The following RBM15 variants were observed in gnomAD, a reference collection of about 807,000 sequenced individuals.
The protein encoded by RBM15 is RNA binding motif protein 15, also known as RNA-binding protein 15.
In RBM15, 8 loss-of-function variants were observed where a neutral mutation model predicts 62.6. The ratio of observed to expected loss-of-function variants is 0.13; its 90% CI spans 0.07 to 0.23. The LOEUF is 0.23. Among genes scored for constraint, RBM15 ranks in the 10% least tolerant of loss-of-function variants. The pLI, the probability that RBM15 is intolerant of heterozygous loss-of-function variation, is 1.00. For synonymous variants in RBM15, 606 were observed against 505.7 expected (o/e 1.20, Z -2.66); for missense variants, 1,144 against 1,286.5 (o/e 0.89, Z 1.69).
Position 110,341,257 on chromosome 1 carries a change from CGGGATGGTT to C in RBM15, c.1855_1863del (p.Asp619_Trp621del). The C allele has an allele frequency of 1.9e-6, 3 of 1,614,098 alleles. No individual in the cohort carries two copies. Among genetic ancestry groups the C allele is most frequent in the Non-Finnish European group, 2.5e-6 (3 of 1,180,026 alleles). On this transcript the variant is annotated inframe_deletion, in exon 1 of 3. Coordinates refer to ENST00000369784, the MANE Select transcript of RBM15 (RefSeq NM_022768.5). The surrounding 1 kb of genome is among the most constrained non-coding windows in gnomAD (Gnocchi z 4.5). Reference sequence around the variant, plus strand: ...GCCACTGGATAGCCTAGATCGCAGGCGGGATGGTTGGTCCTTGGACCGGGACAGAGGTGA... The same window carrying C: ...GCCACTGGATAGCCTAGATCGCAGGCGGTCCTTGGACCGGGACAGAGGTGA...
In RBM15 at chr1:110,341,448, G is replaced by A. The variant is rs547642780; in HGVS notation, c.2043G>A (p.Arg681=). The change falls in exon 1 of 3, where the codon CGG becomes CGA. Residue 681 remains arginine, a synonymous_variant. Coordinates refer to ENST00000369784, the MANE Select transcript of RBM15 (RefSeq NM_022768.5). This position sits in a 1 kb window ranked among gnomAD's most constrained non-coding sequence, Gnocchi z 4.5. The stretch of plus-strand genomic sequence containing the variant: ...GCAGTCCAGAATTGAGCAGTAGCCG[G>A]GATCGTTACAACAGCGACAATGATC... The part of the protein sequence containing the change: ...PDRSPELSSS[R]DRYNSDNDRS... 5.6e-6 allele frequency: 9 copies of A among 1,614,088 alleles called. 1 individual carries two copies. The South Asian group carries it at 9.9e-5, about 18-fold the overall frequency.
At position 110,340,030 on chromosome 1, in the gene RBM15, G is replaced by T. The variant is rs1323345275; in HGVS notation, c.625G>T (p.Gly209Cys). 1.9e-6 allele frequency: 3 copies of T among 1,614,104 alleles called. No homozygotes were observed. Among genetic ancestry groups the T allele is most frequent in the Non-Finnish European group, 8.5e-7 (1 of 1,180,004 alleles). ...AAGTGTGAAAATCAGTCATCTGTCG[G>T]GTTCTGGCAGCGGGGATGAGCGGGT... ...DVSVKISHLS[G>C]SGSGDERVAF... Residue 209 changes from glycine to cysteine, a missense_variant, in exon 1 of 3, where the codon GGT (glycine) becomes TGT (cysteine). This residue lies in a region of RBM15 where 188 missense variants were observed against 185.6 expected (regional missense o/e 1.01). Transcript: ENST00000369784. The surrounding 1 kb of genome is among the most constrained non-coding windows in gnomAD (Gnocchi z 5.8).
rs1394981788 is a variant in RBM15, at chr1:110,340,365, G to T, written c.960G>T (p.Pro320=). 1 of 1,614,168 alleles carries T rather than the reference G, an allele frequency of 6.2e-7. No individual in the cohort carries two copies. Among genetic ancestry groups the T allele is most frequent in the Non-Finnish European group, 8.5e-7 (1 of 1,180,026 alleles). The change falls in exon 1 of 3, where the codon CCG becomes CCT. Residue 320 remains proline (P), a synonymous_variant. Transcript: ENST00000369784. The surrounding 1 kb of genome is among the most constrained non-coding windows in gnomAD (Gnocchi z 5.8). ...TTGGCCGCCTGCCCCCTCCACCTCC[G>T]CCACCATTGCCTCGAGACCTGGAGA... ...LALGRLPPPP[P]PPLPRDLERE...
Position 110,339,530 on chromosome 1 carries a change from C to G in RBM15, c.125C>G (p.Pro42Arg). 1.9e-6 allele frequency: 3 copies of G among 1,602,670 alleles called. No homozygotes were observed. The highest frequency in any genetic ancestry group is 2.6e-6 in the Non-Finnish European group (3 of 1,172,040). Residue 42 changes from proline (P) to arginine (R), a missense_variant, in exon 1 of 3, where the codon CCC becomes CGC. Physicochemically the swap from Pro to Arg is moderately radical, Grantham distance 103 (BLOSUM62 -2). Coordinates refer to ENST00000369784, the MANE Select transcript of RBM15 (RefSeq NM_022768.5). Reference protein sequence around the residue: ...TQLRGDDLRRPATMKGKERSP... With the variant: ...TQLRGDDLRRRATMKGKERSP... ...CTCCGCGGAGACGACCTCCGACGACCCGCAACAATGAAGGGAAAAGAGCGC... is the reference window on the plus strand; with the variant it reads ...CTCCGCGGAGACGACCTCCGACGACGCGCAACAATGAAGGGAAAAGAGCGC...
At position 110,342,234 on chromosome 1, in the gene RBM15, TGAA is replaced by T. The variant is rs780669160; in HGVS notation, c.2835_2837del (p.Glu945del). Reference sequence around the variant, plus strand: ...CCCCTGCCAAGGCACTGGCCAAATCTGAAGAAGATTACCTGGTCATGATCATTG... The same window carrying T: ...CCCCTGCCAAGGCACTGGCCAAATCTGAAGATTACCTGGTCATGATCATTG... On this transcript the variant is annotated inframe_deletion, in exon 1 of 3. Coordinates refer to ENST00000369784, the MANE Select transcript of RBM15 (RefSeq NM_022768.5). 26 of 1,603,246 alleles carry T rather than the reference TGAA, an allele frequency of 1.6e-5. No homozygotes were observed. Among genetic ancestry groups the T allele is most frequent in the Admixed American group, 1.4e-4 (8 of 58,580 alleles).
intron 2 of RBM15, 115 bp downstream of exon 2, chr1:110,345,764 G>A (rs891861889): frequency 3.9e-5 from 26 of 663,262 alleles, no homozygotes; most frequent in Non-Finnish European, 5.6e-5. Flanking sequence ...ATTTGTATGA[G>A]TGTTTTATTA....
chr1:110,346,498 T>G lies in RBM15; in HGVS notation c.*231T>G, dbSNP rs1570614217. On this transcript the variant is annotated 3_prime_UTR_variant, in exon 3 of 3. Transcript: ENST00000369784. ...TCTGCTATTGTGATGCCAATGCCGG[T>G]GTTTTAAGTGGAAAAAAAATGACCT... 1.3e-6 allele frequency: 1 copy of G among 761,384 alleles called. No homozygotes were observed. The highest frequency in any genetic ancestry group is 2.2e-6 in the Non-Finnish European group (1 of 455,262). The allele number at this position is 761,384 out of a possible 1,614,324, so 47.2% of individuals were successfully genotyped here.
At chr1:110,344,927 G>C (rs1660870416) in intron 1 of RBM15, among the ~76,000 whole-genome samples, 1 of 152,142 alleles carries the variant, frequency 6.6e-6, no homozygotes, top group Non-Finnish European at 1.5e-5. Flanking sequence ...AAAACGTGAA[G>C]ATAAGACTTT....
chr1:110,339,678 C>G lies in RBM15; in HGVS notation c.273C>G (p.Gly91=). 3.7e-6 allele frequency: 6 copies of G among 1,613,020 alleles called. No homozygotes were observed. The highest frequency in any genetic ancestry group is 5.1e-6 in the Non-Finnish European group (6 of 1,179,928). ...NGSSSGKTDS[G]GGSRRSLHLD... ...GCAGCAGCGGAAAGACCGATAGCGG[C>G]GGTGGGTCGCGGCGGAGTCTCCACC... Residue 91 remains glycine, a synonymous_variant, in exon 1 of 3, where the codon GGC becomes GGG. Transcript: ENST00000369784.
At position 110,341,321 on chromosome 1, in the gene RBM15, C is replaced by T. The variant is rs1465218880; in HGVS notation, c.1916C>T (p.Pro639Leu). 6.2e-7 allele frequency: 1 copy of T among 1,614,132 alleles called. No individual in the cohort carries two copies. The highest frequency in any genetic ancestry group is 1.1e-5 in the South Asian group (1 of 91,080). ...GATCTGCCCAGCAGCAGAGACCAGC[C>T]TAGGAAGCGAAGGCTGCCTGAGGAG... ...DRDLPSSRDQ[P>L]RKRRLPEESG... Residue 639 changes from proline (P) to leucine (L), a missense_variant, in exon 1 of 3, where the codon CCT becomes CTT. Around this residue, in one of 8 missense-constraint regions of RBM15, gnomAD observed 360 missense variants for 342.9 expected, o/e 1.05. Coordinates refer to ENST00000369784, the MANE Select transcript of RBM15 (RefSeq NM_022768.5). The surrounding 1 kb of genome is among the most constrained non-coding windows in gnomAD (Gnocchi z 4.5).
chr1:110,342,505 G>A (rs1399093065), intron 1 of RBM15: 4 of 403,644 alleles, frequency 9.9e-6, no homozygotes, highest in Non-Finnish European at 1.7e-5. Context: ...TAGCAGGCAG[G>A]CAGACAGATT....
At position 110,339,986 on chromosome 1, in the gene RBM15, T is replaced by C; in HGVS notation, c.581T>C (p.Phe194Ser). Residue 194 changes from phenylalanine to serine, a missense_variant, in exon 1 of 3, where the codon TTC (phenylalanine) becomes TCC (serine). Coordinates refer to ENST00000369784, the MANE Select transcript of RBM15 (RefSeq NM_022768.5). ...EAVEDGLFHEFKRFGDVSVKI... is the reference protein window; with the variant it reads ...EAVEDGLFHESKRFGDVSVKI... ...GTGGAGGACGGCCTGTTTCATGAGT[T>C]CAAACGCTTCGGTGATGTAAGTGTG... 1 of 1,614,116 alleles carries C rather than the reference T, an allele frequency of 6.2e-7. No homozygotes were observed. Among genetic ancestry groups the C allele is most frequent in the Non-Finnish European group, 8.5e-7 (1 of 1,180,020 alleles).
rs1231165736 is a variant in RBM15, at chr1:110,345,809, G to A, written c.*40+160G>A. On this transcript the variant is annotated intron_variant, in intron 2 of 2. Transcript: ENST00000369784. ...CTGCTGTCTTTGGTAACATAGATGA[G>A]GGTGGATTTTTAAATGGCTTTGTAT... 4.6e-5 allele frequency among the ~76,000 whole-genome samples: 7 copies of A among 152,110 alleles called. No individual in the cohort carries two copies. In the East Asian group the frequency reaches 1.3e-3, roughly 29 times the overall value.
Position 110,340,230 on chromosome 1 carries a change from C to T in RBM15, c.825C>T (p.Ala275=), listed in dbSNP as rs749173385. 2 of 1,614,200 alleles carry T rather than the reference C, an allele frequency of 1.2e-6. No homozygotes were observed. Among genetic ancestry groups the T allele is most frequent in the South Asian group, 1.1e-5 (1 of 91,086 alleles). The part of the protein sequence containing the change: ...TYPPSASVVG[A]SVGGHRHPPG... The stretch of plus-strand genomic sequence containing the variant: ...CTCCATCAGCCAGTGTGGTCGGGGC[C>T]TCTGTAGGTGGTCACCGGCACCCCC... The change falls in exon 1 of 3, where the codon GCC becomes GCT. Residue 275 remains alanine (A), a synonymous_variant. Coordinates refer to ENST00000369784, the MANE Select transcript of RBM15 (RefSeq NM_022768.5). The surrounding 1 kb of genome is among the most constrained non-coding windows in gnomAD (Gnocchi z 5.8).
rs182719265 is a variant in RBM15 at position 110,341,546 on chromosome 1, G to T, written c.2141G>T (p.Gly714Val). The T allele has an allele frequency of 3.0e-4, 484 of 1,613,968 alleles. No individual in the cohort carries two copies. In the Admixed American group the frequency reaches 8.0e-3, roughly 27 times the overall value. Residue 714 changes from glycine to valine, a missense_variant, in exon 1 of 3, where the codon GGT (glycine) becomes GTT (valine). Around this residue, in one of 8 missense-constraint regions of RBM15, gnomAD observed 360 missense variants for 342.9 expected, o/e 1.05. Transcript: ENST00000369784. This position sits in a 1 kb window ranked among gnomAD's most constrained non-coding sequence, Gnocchi z 4.5. ...DRRGSLEKSQ[G>V]DKRDRKNSAS... ...CGAGGTAGTTTGGAGAAGAGCCAGG[G>T]TGACAAGCGAGACCGTAAAAACTCT...
At position 110,346,322 on chromosome 1, in the gene RBM15, C is replaced by G. The variant is rs761240247; in HGVS notation, c.*55C>G. On this transcript the variant is annotated 3_prime_UTR_variant, in exon 3 of 3. Transcript: ENST00000369784. Reference sequence around the variant, plus strand: ...CCCTCCGCAAGCAAAACTGGTTGAACAGCGGATGAAGATATGGAATTCAAA... The same window carrying G: ...CCCTCCGCAAGCAAAACTGGTTGAAGAGCGGATGAAGATATGGAATTCAAA... The G allele has an allele frequency of 1.3e-6, 2 of 1,598,204 alleles. No homozygotes were observed. Among genetic ancestry groups the G allele is most frequent in the South Asian group, 2.2e-5 (2 of 91,078 alleles).
Position 110,341,329 on chromosome 1 carries a change from C to G in RBM15, c.1924C>G (p.Arg642Gly), listed in dbSNP as rs779135342. The change falls in exon 1 of 3, where the codon CGA (arginine) becomes GGA (glycine). Residue 642 changes from arginine to glycine, a missense_variant. Coordinates refer to ENST00000369784, the MANE Select transcript of RBM15 (RefSeq NM_022768.5). The surrounding 1 kb of genome is among the most constrained non-coding windows in gnomAD (Gnocchi z 4.5). ...LPSSRDQPRK[R>G]RLPEESGGRH... ...CAGCAGCAGAGACCAGCCTAGGAAG[C>G]GAAGGCTGCCTGAGGAGAGTGGAGG... 8.7e-6 allele frequency: 14 copies of G among 1,614,096 alleles called. No homozygotes were observed. The highest frequency in any genetic ancestry group is 1.2e-5 in the Non-Finnish European group (14 of 1,180,004).
chr1:110,345,088 T>G (rs1162442930), intron 1 of RBM15, among the ~76,000 whole-genome samples: 2 of 152,192 alleles, frequency 1.3e-5, no homozygotes, highest in Non-Finnish European at 2.9e-5. Flanking sequence ...GACTCTCAAC[T>G]GAGAGTGGAT....
rs764792310 is a variant in RBM15 at position 110,345,616 on chromosome 1, T to C, written c.*7T>C. On this transcript the variant is annotated 3_prime_UTR_variant, in exon 2 of 3. Transcript: ENST00000369784. Reference sequence around the variant, plus strand: ...GGCGCTGACCCTGTTATAGTGGTTATAGTGGTGTCCCTAAAGGGAGGAAAT... The same window carrying C: ...GGCGCTGACCCTGTTATAGTGGTTACAGTGGTGTCCCTAAAGGGAGGAAAT... 6.2e-7 allele frequency: 1 copy of C among 1,603,172 alleles called. No homozygotes were observed. The highest frequency in any genetic ancestry group is 1.3e-5 in the African/African-American group (1 of 74,254).
Sources: allele counts gnomAD v4.1 joint callset (sites outside exome capture counted in the v4.1 genomes callset), GRCh38; gene constraint gnomAD v4.1.1; regional missense constraint gnomAD v4.1.1; non-coding constraint Gnocchi (gnomAD v3.1); transcripts MANE v1.5; gene names NCBI Gene and HGNC (gene_info 2026-07-23, HGNC 2026-07-21).